SYNE1: variants seen among roughly 807,000 people sequenced by gnomAD.
The protein encoded by SYNE1 is nesprin-1.
A neutral mutation model predicts 1,111.0 loss-of-function variants in SYNE1; 616 were observed. The observed-to-expected ratio is 0.55, with a 90% confidence interval of 0.52 to 0.59. The LOEUF is 0.59. SYNE1 is among the 20% of genes least tolerant of loss of function. The pLI is 0.00. For synonymous variants in SYNE1, 3,855 were observed against 3,825.8 expected, an observed-to-expected ratio of 1.01 and a Z score of -0.28; for missense variants, 10,006 against 10,417.0, an observed-to-expected ratio of 0.96 and a Z score of 1.72.
intron 77 of SYNE1, among the ~76,000 whole-genome samples, 189 bp from the exon 78 acceptor site, chr6:152,332,079 A>G (rs1421752631): frequency 6.6e-6 from 1 of 152,150 alleles, no homozygotes; most frequent in Admixed American, 6.5e-5. Flanking sequence ...GGTTCAAGCG[A>G]TTCTCCTGCC....
chr6:152,161,467 T>C lies in SYNE1; in HGVS notation c.23790+2696A>G, dbSNP rs2062488910. On this transcript the variant is annotated intron_variant, in intron 131 of 145. Transcript: ENST00000367255. Reference sequence around the variant, plus strand: ...TCTTTTTGTTTTACTCTGTGGAAGATAGTCTCCATTCTGAATGCTTTTTTT... The same window carrying C: ...TCTTTTTGTTTTACTCTGTGGAAGACAGTCTCCATTCTGAATGCTTTTTTT... Among the ~76,000 whole-genome samples, 7 of 152,082 alleles carry C rather than the reference T, an allele frequency of 4.6e-5. No homozygotes were observed. The South Asian group carries it at 1.2e-3, about 27-fold the overall frequency.
Position 152,385,660 on chromosome 6 carries a change from G to A in SYNE1, c.8652+14C>T, listed in dbSNP as rs761672973. On this transcript the variant is annotated intron_variant, in intron 55 of 145. Transcript: ENST00000367255. ...ATGAAGCAATGTAGATATAGCATCTGTTCATTTCCTGACCTTAATTTTTGA... is the reference window on the plus strand; with the variant it reads ...ATGAAGCAATGTAGATATAGCATCTATTCATTTCCTGACCTTAATTTTTGA... The A allele has an allele frequency of 9.9e-6, 16 of 1,613,668 alleles. No individual in the cohort carries two copies. The African/African-American group carries it at 1.7e-4, about 17-fold the overall frequency.
chr6:152,294,149 T>G (rs374356906), intron 93 of SYNE1, 22 bp from the exon 94 acceptor site: 2 of 1,611,840 alleles, frequency 1.2e-6, no homozygotes. Flanking sequence ...AAGCACAGTA[T>G]TGAATTAAAC....
chr6:152,335,706 T>C (rs1213194568), intron 76 of SYNE1: 1 of 152,182 alleles, frequency 6.6e-6, no homozygotes, highest in Non-Finnish European at 1.5e-5. Context: ...TCCCTTTTTT[T>C]TGAGACAGAG....
intron 113 of SYNE1, 67 bp downstream of exon 113, chr6:152,232,049 T>C: frequency 8.0e-7 from 1 of 1,257,632 alleles, no homozygotes; most frequent in Non-Finnish European, 1.2e-6. Flanking sequence ...ATAATTTGAG[T>C]TTTTTAGTTC....
intron 106 of SYNE1, 46 bp downstream of exon 106, chr6:152,244,491 G>T: frequency 6.2e-7 from 1 of 1,613,484 alleles, no homozygotes. Context: ...TAGACTTCAA[G>T]TTTGATGTAC....
rs374092886 is a variant in SYNE1, at chr6:152,318,238, C to T, written c.16415G>A (p.Cys5472Tyr). The change falls in exon 86 of 146, where the codon TGT becomes TAT. Residue 5472 changes from cysteine to tyrosine, a missense_variant. Transcript: ENST00000367255. ...QKVLGEELDGCNSKLMELDAA... is the reference protein window; with the variant it reads ...QKVLGEELDGYNSKLMELDAA... The stretch of plus-strand genomic sequence containing the variant: ...ATCTAATTCCATTAACTTTGAATTA[C>T]AGCCATCTAATTCCTCTCCCAGCAC... 5 of 1,614,058 alleles carry T rather than the reference C, an allele frequency of 3.1e-6. No individual in the cohort carries two copies. The African/African-American group carries it at 6.7e-5, about 22-fold the overall frequency.
At chr6:152,632,924 T>C (rs1451115038) in intron 2 of SYNE1, among the ~76,000 whole-genome samples, 1 of 152,106 alleles carries the variant, frequency 6.6e-6, no homozygotes, top group Non-Finnish European at 1.5e-5. Context: ...GGCCCTAAAA[T>C]GCAGAGGTAC....
intron 132 of SYNE1, among the ~76,000 whole-genome samples, chr6:152,155,579 C>T (rs1454659385): frequency 1.3e-5 from 2 of 152,174 alleles, no homozygotes; most frequent in Non-Finnish European, 2.9e-5. Flanking sequence ...GATAAATCTG[C>T]TTTTATTATT....
chr6:152,205,272 A>G (rs1358359743), intron 126 of SYNE1, among the ~76,000 whole-genome samples: 2 of 152,226 alleles, frequency 1.3e-5, no homozygotes, highest in Admixed American at 6.5e-5. Context: ...ATACAGGACC[A>G]TAACATTTAG....
chr6:152,169,811 A>T (rs1410880021), intron 130 of SYNE1, among the ~76,000 whole-genome samples: 3 of 151,446 alleles, frequency 2.0e-5, no homozygotes, highest in Non-Finnish European at 4.4e-5. Context: ...AAAAAAAAAT[A>T]AAAAATTAAA....
chr6:152,469,511 G>A (rs2098792996), intron 16 of SYNE1, among the ~76,000 whole-genome samples: 1 of 152,016 alleles, frequency 6.6e-6, no homozygotes, highest in Non-Finnish European at 1.5e-5. Flanking sequence ...ATAACTAATA[G>A]CAACTATGAG....
chr6:152,277,934 TA>T, intron 98 of SYNE1, 154 bp downstream of exon 98: 1 of 855,956 alleles, frequency 1.2e-6, no homozygotes, highest in Non-Finnish European at 2.0e-6. Context: ...TCCAAGAGTG[TA>T]AACTTAAAGC....
At position 152,249,252 on chromosome 6, in the gene SYNE1, T is replaced by G. The variant is rs763051329; in HGVS notation, c.19481A>C (p.Lys6494Thr). 9 of 1,607,574 alleles carry G rather than the reference T, an allele frequency of 5.6e-6. No individual in the cohort carries two copies. The East Asian group carries it at 6.7e-5, about 12-fold the overall frequency. ...GTCAGCCAGTGATGTAAACAGCACT[T>G]TCAGATCATTCTAAGGAGGAAAGCA... ...QQILNFQNDL[K>T]VLFTSLADNK... Residue 6494 changes from lysine (K) to threonine (T), a missense_variant, in exon 105 of 146, where the codon AAA (lysine) becomes ACA (threonine). Around this residue, in one of 7 missense-constraint regions of SYNE1, gnomAD observed 2,182 missense variants for 2,287.8 expected, o/e 0.95. Coordinates refer to ENST00000367255, the MANE Select transcript of SYNE1 (RefSeq NM_182961.4).
chr6:152,522,245 T>C (rs916758015), intron 5 of SYNE1, among the ~76,000 whole-genome samples: 5 of 152,110 alleles, frequency 3.3e-5, no homozygotes, highest in African/African-American at 1.2e-4. Context: ...AAGTCCATTA[T>C]ACCATTCTAT....
chr6:152,396,954 C>G lies in SYNE1; in HGVS notation c.7377G>C (p.Gly2459=). ...GAGTCACTGCATCAAGTTTGCTCTG[C>G]CCATCACTGACTGAGTCCAAAATGT... The part of the protein sequence containing the change: ...LQNILDSVSD[G]QSKLDAVTQE... The change falls in exon 50 of 146, where the codon GGG becomes GGC. Residue 2459 remains glycine (G), a synonymous_variant. Coordinates refer to ENST00000367255, the MANE Select transcript of SYNE1 (RefSeq NM_182961.4). The G allele has an allele frequency of 6.2e-7, 1 of 1,614,152 alleles. No individual in the cohort carries two copies.
intron 100 of SYNE1, among the ~76,000 whole-genome samples, chr6:152,265,507 T>C (rs1189322291): frequency 1.3e-5 from 2 of 152,128 alleles, no homozygotes; most frequent in Non-Finnish European, 2.9e-5. Context: ...TCCTATGAGG[T>C]TAAATTTCTT....
intron 115 of SYNE1, 28 bp from the exon 116 acceptor site, chr6:152,225,904 A>G: frequency 6.2e-7 from 1 of 1,606,716 alleles, no homozygotes; most frequent in African/African-American, 1.3e-5. Flanking sequence ...TAGTCACTTT[A>G]AATTGTTCTA....
intron 108 of SYNE1, 152 bp downstream of exon 108, chr6:152,239,381 G>A: frequency 1.1e-6 from 1 of 876,626 alleles, no homozygotes; most frequent in South Asian, 1.4e-5. Flanking sequence ...AAGCAACACA[G>A]AACCATAGGA....
Sources: gnomAD v4.1 joint callset for allele counts (sites outside exome capture counted in the v4.1 genomes callset) on GRCh38, gnomAD v4.1.1 for gene constraint, gnomAD v4.1.1 regional missense constraint, MANE v1.5 for transcripts, NCBI Gene and HGNC (gene_info 2026-07-23, HGNC 2026-07-21) for gene names.